The following NUDCD2 variants were observed in gnomAD, a reference collection of about 807,000 sequenced individuals.
The protein encoded by NUDCD2 is NudC domain containing 2.
NUDCD2 carries 16 observed loss-of-function variants against 20.8 expected under a neutral mutation model. The ratio of observed to expected loss-of-function variants is 0.77; its 90% CI spans 0.52 to 1.17. The LOEUF is 1.17. NUDCD2 is among the 50% of genes most tolerant of loss of function. The pLI is 0.00. For missense variants in NUDCD2, 199 were observed against 193.9 expected, an observed-to-expected ratio of 1.03 and a Z score of -0.16; for synonymous variants, 87 against 72.8, an observed-to-expected ratio of 1.20 and a Z score of -1.00.
Position 163,457,698 on chromosome 5 carries a change from A to G in NUDCD2, c.190-88T>C, listed in dbSNP as rs1017580512. The G allele has an allele frequency of 6.1e-6, 5 of 826,426 alleles. No homozygotes were observed. The Admixed American group carries it at 9.6e-5, about 16-fold the overall frequency. The allele number at this position is 826,426 out of a possible 1,614,324, so 51.2% of individuals were successfully genotyped here. On this transcript the variant is annotated intron_variant, in intron 1 of 3. Coordinates refer to ENST00000302764, the MANE Select transcript of NUDCD2 (RefSeq NM_145266.6). ...TTAAGATTTACCTACTTTCCTACCT[A>G]ATCCACATCTTATACCACCACTTCA...
intron 1 of NUDCD2, chr5:163,459,630 A>G (rs958202466): frequency 8.0e-6 from 3 of 373,232 alleles, no homozygotes; most frequent in African/African-American, 2.1e-5. Context: ...AAGCAGAAGC[A>G]GCAGTCTTAG....
rs1290421878 is a variant in NUDCD2, at chr5:163,449,391, C to CT, written c.*4575dup. ...AACCCATGTTTCAAAAATAATACAA[C>CT]TTAACAATAGTTCCTCCAAAATGAA... On this transcript the variant is annotated 3_prime_UTR_variant, in exon 4 of 4. Transcript: ENST00000302764. 6.6e-6 allele frequency: 1 copy of CT among 152,142 alleles called. No individual in the cohort carries two copies. The highest frequency in any genetic ancestry group is 1.5e-5 in the Non-Finnish European group (1 of 68,024). 9.4% of individuals were successfully genotyped at this position (152,142 alleles called of 1,614,324 possible).
intron 1 of NUDCD2, among the ~76,000 whole-genome samples, chr5:163,457,977 G>GTTTTT (rs1758366551): frequency 1.2e-5 from 1 of 84,858 alleles, no homozygotes; most frequent in Admixed American, 1.5e-4. Context: ...AAAAAATGTT[G>GTTTTT]TCTTTTTTTT....
chr5:163,453,612 T>G lies in NUDCD2; in HGVS notation c.*355A>C, dbSNP rs571938415. On this transcript the variant is annotated 3_prime_UTR_variant, in exon 4 of 4. Coordinates refer to ENST00000302764, the MANE Select transcript of NUDCD2 (RefSeq NM_145266.6). The stretch of plus-strand genomic sequence containing the variant: ...AAAATTTTATTGAATATCATACTTA[T>G]CAAAAGAAAAAGTTAATTTTCCCCA... 3.8e-5 allele frequency: 6 copies of G among 158,140 alleles called. No homozygotes were observed. Among genetic ancestry groups the G allele is most frequent in the South Asian group, 2.0e-4 (1 of 4,908 alleles). 9.8% of individuals were successfully genotyped at this position (158,140 alleles called of 1,614,324 possible).
rs1036910808 is a variant in NUDCD2 at position 163,450,102 on chromosome 5, A to T, written c.*3865T>A. 9 of 149,484 alleles carry T rather than the reference A, an allele frequency of 6.0e-5. No individual in the cohort carries two copies. Among genetic ancestry groups the T allele is most frequent in the Non-Finnish European group, 8.9e-5 (6 of 67,214 alleles). The allele number at this position is 149,484 out of a possible 1,614,324, so 9.3% of individuals were successfully genotyped here. ...CCCAACTCTACTAAAAATAAAAAAT[A>T]AAAAAAAAATGGGCTGGGAGTGGTG... On this transcript the variant is annotated 3_prime_UTR_variant, in exon 4 of 4. Coordinates refer to ENST00000302764, the MANE Select transcript of NUDCD2 (RefSeq NM_145266.6).
In NUDCD2 at chr5:163,459,910, G is replaced by C; in HGVS notation, c.141C>G (p.Leu47=). 1 of 1,612,502 alleles carries C rather than the reference G, an allele frequency of 6.2e-7. No homozygotes were observed. Among genetic ancestry groups the C allele is most frequent in the Non-Finnish European group, 8.5e-7 (1 of 1,179,458 alleles). Residue 47 remains leucine, a synonymous_variant, in exon 1 of 4, where the codon CTC becomes CTG. Transcript: ENST00000302764. ...CCGACAGCGCCACATGCCGGCTCTG[G>C]AGGCCGCACTGGATATCCTGGGCGC... The part of the protein sequence containing the change: ...GTRAQDIQCG[L]QSRHVALSVG...
In NUDCD2 at chr5:163,447,659, T is replaced by C. The variant is rs1401343874; in HGVS notation, c.*6308A>G. On this transcript the variant is annotated 3_prime_UTR_variant, in exon 4 of 4. Coordinates refer to ENST00000302764, the MANE Select transcript of NUDCD2 (RefSeq NM_145266.6). Reference sequence around the variant, plus strand: ...TCTACCTAAAACAGCAGAATAAGCATTCTTTTCAAGTACACATGGAACACT... The same window carrying C: ...TCTACCTAAAACAGCAGAATAAGCACTCTTTTCAAGTACACATGGAACACT... The C allele has an allele frequency of 1.3e-5, 2 of 152,166 alleles. No individual in the cohort carries two copies. Among genetic ancestry groups the C allele is most frequent in the Non-Finnish European group, 2.9e-5 (2 of 68,028 alleles). The allele number at this position is 152,166 out of a possible 1,614,324, so 9.4% of individuals were successfully genotyped here. A position where few individuals can be genotyped will look rare whatever the true frequency, so the allele number is the denominator to read the frequency against.
At chr5:163,457,381 C>T (rs1029475566) in intron 2 of NUDCD2, among the ~76,000 whole-genome samples, 181 bp downstream of exon 2, 1 of 149,850 alleles carries the variant, frequency 6.7e-6, no homozygotes, top group Non-Finnish European at 1.5e-5. Context: ...TTTATATTTC[C>T]AAAAACAACT....
Position 163,449,844 on chromosome 5 carries a change from C to G in NUDCD2, c.*4123G>C, listed in dbSNP as rs899680899. 9 of 152,136 alleles carry G rather than the reference C, an allele frequency of 5.9e-5. No homozygotes were observed. Among genetic ancestry groups the G allele is most frequent in the African/African-American group, 2.2e-4 (9 of 41,422 alleles). The allele number at this position is 152,136 out of a possible 1,614,324, so 9.4% of individuals were successfully genotyped here. On this transcript the variant is annotated 3_prime_UTR_variant, in exon 4 of 4. Coordinates refer to ENST00000302764, the MANE Select transcript of NUDCD2 (RefSeq NM_145266.6). ...TTTTCAACAGACGATTTTAAAACAACTGAACATCCATATGCAAAAAAATAA... is the reference window on the plus strand; with the variant it reads ...TTTTCAACAGACGATTTTAAAACAAGTGAACATCCATATGCAAAAAAATAA...
intron 1 of NUDCD2, 96 bp from the exon 2 acceptor site, chr5:163,457,706 T>G: frequency 2.6e-6 from 2 of 772,990 alleles, no homozygotes; most frequent in Non-Finnish European, 4.5e-6. Flanking sequence ...CTAATCCACA[T>G]CTTATACCAC....
At chr5:163,454,790 C>T (rs1004757175) in intron 3 of NUDCD2, among the ~76,000 whole-genome samples, 5 of 152,066 alleles carry the variant, frequency 3.3e-5, no homozygotes, top group African/African-American at 1.2e-4. Context: ...ATCCAACAAA[C>T]ATTTGTTGAG....
At position 163,453,963 on chromosome 5, in the gene NUDCD2, G is replaced by A. The variant is rs776901323; in HGVS notation, c.*4C>T. The A allele has an allele frequency of 5.1e-5, 77 of 1,496,800 alleles. No homozygotes were observed. The highest frequency in any genetic ancestry group is 7.0e-5 in the Non-Finnish European group (77 of 1,106,462). 92.7% of individuals were successfully genotyped at this position (1,496,800 alleles called of 1,614,324 possible). On this transcript the variant is annotated 3_prime_UTR_variant, in exon 4 of 4. Transcript: ENST00000302764. ...GGATCCACAGAATGCAGGAAAAAAA[G>A]CAGTTATTTCTCAAGGTTTGAGAAA...
Position 163,453,774 on chromosome 5 carries a change from T to C in NUDCD2, c.*193A>G. 2.6e-6 allele frequency: 1 copy of C among 377,934 alleles called. No individual in the cohort carries two copies. The highest frequency in any genetic ancestry group is 4.8e-6 in the Non-Finnish European group (1 of 208,134). 23.4% of individuals were successfully genotyped at this position (377,934 alleles called of 1,614,324 possible). Reference sequence around the variant, plus strand: ...ACAAGTCCAAAACAACTTTACCATATATCCATAGAATAGTTCCCACAGTAC... The same window carrying C: ...ACAAGTCCAAAACAACTTTACCATACATCCATAGAATAGTTCCCACAGTAC... On this transcript the variant is annotated 3_prime_UTR_variant, in exon 4 of 4. Coordinates refer to ENST00000302764, the MANE Select transcript of NUDCD2 (RefSeq NM_145266.6).
intron 2 of NUDCD2, 133 bp from the exon 3 acceptor site, chr5:163,457,213 C>T (rs1364950332): frequency 2.9e-5 from 26 of 899,116 alleles, no homozygotes; most frequent in Non-Finnish European, 4.1e-5. Flanking sequence ...CTCACTGAAA[C>T]CTCCGCCCCC....
At chr5:163,458,172 G>A (rs1447397723) in intron 1 of NUDCD2, among the ~76,000 whole-genome samples, 1 of 151,646 alleles carries the variant, frequency 6.6e-6, no homozygotes, top group African/African-American at 2.4e-5. Flanking sequence ...TAGTAGAGAT[G>A]GGGTTTCCCC....
Position 163,446,815 on chromosome 5 carries a change from G to A in NUDCD2, c.*7152C>T, listed in dbSNP as rs1758048521. The A allele has an allele frequency of 6.6e-6, 1 of 152,212 alleles. No homozygotes were observed. 9.4% of individuals were successfully genotyped at this position (152,212 alleles called of 1,614,324 possible). ...GGATCACTTGAGGCCAGGAGTTCGA[G>A]ACCAGCATGGCCAACATGGTGAAAC... On this transcript the variant is annotated 3_prime_UTR_variant, in exon 4 of 4. Transcript: ENST00000302764.
rs573150280 is a variant in NUDCD2, at chr5:163,457,224, C to T, written c.239-144G>A. The stretch of plus-strand genomic sequence containing the variant: ...TCGGCTCACTGAAACCTCCGCCCCC[C>T]GGGTTCAAGTGATTCTCCTGCCTCA... On this transcript the variant is annotated intron_variant, in intron 2 of 3. Transcript: ENST00000302764. The T allele has an allele frequency of 8.0e-5, 67 of 832,374 alleles. No individual in the cohort carries two copies. The South Asian group carries it at 1.1e-3, about 14-fold the overall frequency. 51.6% of individuals were successfully genotyped at this position (832,374 alleles called of 1,614,324 possible). A position where few individuals can be genotyped will look rare whatever the true frequency, so the allele number is the denominator to read the frequency against.
At chr5:163,456,830 G>T in intron 3 of NUDCD2, 99 bp downstream of exon 3, 1 of 933,908 alleles carries the variant, frequency 1.1e-6, no homozygotes, top group Non-Finnish European at 1.5e-6. Context: ...GAAAATGTTT[G>T]TAACTTTTCA....
intron 1 of NUDCD2, among the ~76,000 whole-genome samples, chr5:163,458,776 G>C (rs748671797): frequency 6.6e-6 from 1 of 151,724 alleles, no homozygotes; most frequent in African/African-American, 2.4e-5. Flanking sequence ...AAATTCAGCA[G>C]CTACTGCTAA....
Sources: allele counts gnomAD v4.1 joint callset (sites outside exome capture counted in the v4.1 genomes callset), GRCh38; gene constraint gnomAD v4.1.1; transcripts MANE v1.5; gene names NCBI Gene and HGNC (gene_info 2026-07-23, HGNC 2026-07-21).